Variants in SGMS1 observed in about 807,000 individuals in gnomAD.
SGMS1 encodes the protein phosphatidylcholine:ceramide cholinephosphotransferase 1.
Under a neutral mutation model 46.2 loss-of-function variants are expected in SGMS1, and 13 were observed. The observed-to-expected ratio is 0.28, with a 90% CI of 0.18 to 0.45. The LOEUF (loss-of-function observed/expected upper bound fraction) is 0.45, where lower values mean the gene tolerates loss of function less well. SGMS1 is among the 20% of genes least tolerant of loss of function. The pLI is 1.00. For missense variants in SGMS1, 324 were observed against 519.9 expected, an observed-to-expected ratio of 0.62 and a Z score of 3.66; for synonymous variants, 203 against 187.8, an observed-to-expected ratio of 1.08 and a Z score of -0.66.
At chr10:50,495,102 C>G (rs10740714) in intron 3 of SGMS1, among the ~76,000 whole-genome samples, 3 of 127,452 alleles carry the variant, frequency 2.4e-5, no homozygotes, top group South Asian at 2.6e-4. Context: ...GCCGGACGTG[C>G]TTGCAGGCGC....
chr10:50,598,892 G>A (rs1263282718), intron 1 of SGMS1, among the ~76,000 whole-genome samples: 1 of 151,924 alleles, frequency 6.6e-6, no homozygotes, highest in Admixed American at 6.6e-5. Flanking sequence ...AAACAAATAA[G>A]GAGAAATACC....
chr10:50,389,226 G>A (rs1848730242), intron 6 of SGMS1, among the ~76,000 whole-genome samples: 2 of 151,980 alleles, frequency 1.3e-5, no homozygotes, highest in South Asian at 4.2e-4. Flanking sequence ...TCATCCCAAG[G>A]GGCTCTAATA....
At chr10:50,465,841 C>T (rs564239796) in intron 4 of SGMS1, among the ~76,000 whole-genome samples, 1 of 151,646 alleles carries the variant, frequency 6.6e-6, no homozygotes. Context: ...GAAACATTTT[C>T]CAGAGACAAA....
chr10:50,430,644 C>A (rs936751692), intron 6 of SGMS1, among the ~76,000 whole-genome samples: 7 of 152,184 alleles, frequency 4.6e-5, no homozygotes, highest in Non-Finnish European at 1.0e-4. Context: ...ATATCTAATC[C>A]ACATATCATC....
At chr10:50,392,320 T>G (rs962928771) in intron 6 of SGMS1, among the ~76,000 whole-genome samples, 4 of 152,192 alleles carry the variant, frequency 2.6e-5, no homozygotes, top group African/African-American at 9.7e-5. Flanking sequence ...AAATAGAATC[T>G]AGCTATATCC....
At chr10:50,449,049 C>T (rs565941480) in intron 5 of SGMS1, among the ~76,000 whole-genome samples, 6 of 152,126 alleles carry the variant, frequency 3.9e-5, no homozygotes, top group Middle Eastern at 3.4e-3. Flanking sequence ...GTCTTTAAAT[C>T]TCACATATAA....
intron 5 of SGMS1, among the ~76,000 whole-genome samples, chr10:50,449,479 A>G (rs1837072514): frequency 6.6e-6 from 1 of 152,130 alleles, no homozygotes; most frequent in African/African-American, 2.4e-5. Flanking sequence ...CCTGCAAAAT[A>G]AAAAAAGTAT....
intron 6 of SGMS1, among the ~76,000 whole-genome samples, chr10:50,373,494 C>T (rs890901967): frequency 6.6e-6 from 1 of 152,180 alleles, no homozygotes; most frequent in African/African-American, 2.4e-5. Context: ...TAACCTGAGA[C>T]AGTGGCATGG....
chr10:50,406,556 G>C lies in SGMS1; in HGVS notation c.-232+26920C>G, dbSNP rs569607558. ...AAGGTCTGGATCTCAGCTCTGAGAG[G>C]GGGTAGGAAGTTGGTCTCTTCCTTG... On this transcript the variant is annotated intron_variant, in intron 6 of 10. Transcript: ENST00000361781. 1.8e-4 allele frequency among the ~76,000 whole-genome samples: 27 copies of C among 152,272 alleles called. No individual in the cohort carries two copies. In the East Asian group the frequency reaches 2.3e-3, roughly 13 times the overall value.
intron 5 of SGMS1, among the ~76,000 whole-genome samples, chr10:50,434,957 TAAAG>T (rs1369171775): frequency 4.7e-5 from 7 of 149,354 alleles, no homozygotes; most frequent in Non-Finnish European, 1.5e-5. Flanking sequence ...TCTCTAATAA[TAAAG>T]AAAGAACTTG....
At chr10:50,407,655 T>C (rs542781655) in intron 6 of SGMS1, among the ~76,000 whole-genome samples, 2 of 152,032 alleles carry the variant, frequency 1.3e-5, no homozygotes, top group Admixed American at 1.3e-4. Flanking sequence ...TTTTTCCCCC[T>C]GCTAAGCTCT....
intron 6 of SGMS1, among the ~76,000 whole-genome samples, chr10:50,365,405 T>C (rs1386967672): frequency 1.3e-5 from 2 of 152,140 alleles, no homozygotes; most frequent in Non-Finnish European, 2.9e-5. Flanking sequence ...AAACTAACTA[T>C]ACTGAAGTTT....
chr10:50,371,494 T>C (rs888053742), intron 6 of SGMS1, among the ~76,000 whole-genome samples: 2 of 152,234 alleles, frequency 1.3e-5, no homozygotes, highest in Admixed American at 6.5e-5. Context: ...CACTTCATTA[T>C]TTCATATTGT....
At chr10:50,535,662 C>A (rs1047738340) in intron 2 of SGMS1, among the ~76,000 whole-genome samples, 2 of 152,194 alleles carry the variant, frequency 1.3e-5, no homozygotes, top group Non-Finnish European at 2.9e-5. Context: ...GCCACCACGC[C>A]AGGCCAAGCT....
chr10:50,322,980 G>A (rs1847474430), intron 8 of SGMS1, among the ~76,000 whole-genome samples: 1 of 152,114 alleles, frequency 6.6e-6, no homozygotes, highest in East Asian at 1.9e-4. Flanking sequence ...CCATGCACAT[G>A]TATACCACCA....
chr10:50,566,714 C>G (rs375224549), intron 2 of SGMS1, among the ~76,000 whole-genome samples: 1 of 152,164 alleles, frequency 6.6e-6, no homozygotes, highest in African/African-American at 2.4e-5. Context: ...ATACACAGTA[C>G]GGTGGTCCCT....
At chr10:50,618,575 A>G (rs1342911819) in intron 1 of SGMS1, among the ~76,000 whole-genome samples, 14 of 152,208 alleles carry the variant, frequency 9.2e-5, no homozygotes, top group East Asian at 1.9e-4. Flanking sequence ...AGAAAACCCA[A>G]TGAGATCCCA....
At chr10:50,351,986 A>G (rs1848026601) in intron 6 of SGMS1, among the ~76,000 whole-genome samples, 1 of 152,206 alleles carries the variant, frequency 6.6e-6, no homozygotes, top group Non-Finnish European at 1.5e-5. Flanking sequence ...TGAAGCTGCC[A>G]CTTACAAATG....
chr10:50,530,304 C>A (rs981561060), intron 2 of SGMS1, among the ~76,000 whole-genome samples: 1 of 152,170 alleles, frequency 6.6e-6, no homozygotes, highest in Non-Finnish European at 1.5e-5. Flanking sequence ...TTTTCTAACA[C>A]CATCATTAGC....
Sources: gnomAD v4.1 joint callset for allele counts (sites outside exome capture counted in the v4.1 genomes callset) on GRCh38, gnomAD v4.1.1 for gene constraint, MANE v1.5 for transcripts, NCBI Gene and HGNC (gene_info 2026-07-23, HGNC 2026-07-21) for gene names.